Variants in TMEM94 observed in about 807,000 individuals in gnomAD.
TMEM94 encodes ER Mg2+ ATPase.
Under a neutral mutation model 158.6 loss-of-function variants are expected in TMEM94, and 81 were observed. That is an observed-to-expected ratio of 0.51 (90% CI 0.43 to 0.61). TMEM94 has a LOEUF of 0.61. TMEM94 is among the 20% of genes least tolerant of loss of function. The pLI is 0.00. For synonymous variants in TMEM94, 751 were observed against 730.7 expected (o/e 1.03, Z -0.45); for missense variants, 1,435 against 1,762.0 (o/e 0.81, Z 3.32).
At chr17:75,480,381 C>T (rs947296429) in intron 2 of TMEM94, among the ~76,000 whole-genome samples, 2 of 152,250 alleles carry the variant, frequency 1.3e-5, no homozygotes, top group Non-Finnish European at 1.5e-5. Context: ...ACATAACAAG[C>T]GGGGGCAGAT....
In TMEM94 at chr17:75,498,106, C is replaced by T. The variant is rs549320432; in HGVS notation, c.3490-69C>T. On this transcript the variant is annotated intron_variant, in intron 27 of 31. Transcript: ENST00000314256. This position sits in a 1 kb window ranked among gnomAD's most constrained non-coding sequence, Gnocchi z 6.7. ...CCATTTACTAAGAGCCCGTTGAATA[C>T]GTGGAAGAGCTAGGAGCAGCCGGCA... is the stretch of plus-strand genomic sequence containing the variant. The T allele has an allele frequency of 1.8e-5, 29 of 1,588,288 alleles. No homozygotes were observed. The highest frequency in any genetic ancestry group is 1.0e-4 in the Admixed American group (6 of 59,354).
intron 1 of TMEM94, among the ~76,000 whole-genome samples, chr17:75,466,887 G>T (rs1053275393): frequency 1.3e-5 from 2 of 151,562 alleles, no homozygotes; most frequent in African/African-American, 4.9e-5. Context: ...CATGAACATT[G>T]TATATTTCCC....
rs1413087282 is a variant in TMEM94, at chr17:75,499,401, G to A, written c.*67G>A. 6 of 1,454,318 alleles carry A rather than the reference G, an allele frequency of 4.1e-6. No individual in the cohort carries two copies. The highest frequency in any genetic ancestry group is 5.8e-6 in the Non-Finnish European group (6 of 1,039,010). 90.1% of individuals were successfully genotyped at this position (1,454,318 alleles called of 1,614,324 possible). ...CTAAAGCCAGACCCATTTCTGAACA[G>A]GGGAGTTTGTATCATGAATGTTTCC... is the stretch of plus-strand genomic sequence containing the variant. On this transcript the variant is annotated 3_prime_UTR_variant, in exon 32 of 32. Coordinates refer to ENST00000314256, the MANE Select transcript of TMEM94 (RefSeq NM_014738.6).
chr17:75,484,412 T>G (rs558903720), intron 2 of TMEM94, among the ~76,000 whole-genome samples: 8 of 151,978 alleles, frequency 5.3e-5, no homozygotes, highest in Non-Finnish European at 8.8e-5. Context: ...TGTTGTTGTT[T>G]TTTTGAGACA....
In TMEM94 at chr17:75,491,882, T is replaced by C; in HGVS notation, c.1578T>C (p.Gly526=). The change falls in exon 14 of 32, where the codon GGT becomes GGC. Residue 526 remains glycine, a synonymous_variant. Coordinates refer to ENST00000314256, the MANE Select transcript of TMEM94 (RefSeq NM_014738.6). The surrounding 1 kb of genome is among the most constrained non-coding windows in gnomAD (Gnocchi z 5.1). ...NVSFSRDTEG[G]EEEPSKTQPG... is the part of the protein sequence containing the mutation. ...GCTTCAGCAGGGACACCGAGGGTGG[T>C]GAAGAAGAGCCCAGCAAGGTGACGG... The C allele has an allele frequency of 6.2e-7, 1 of 1,612,976 alleles. No individual in the cohort carries two copies. The highest frequency in any genetic ancestry group is 1.3e-5 in the African/African-American group (1 of 74,960).
At position 75,466,430 on chromosome 17, in the gene TMEM94, TTTTGCCTA is replaced by T. The variant is rs1456280832; in HGVS notation, c.-106-5367_-106-5360del. Reference sequence around the variant, plus strand: ...GAATTTGTTTCTCTTTTCAAAATTGTTTTGCCTATTCTTGGTCCTTTATCTTTCCATAC... The same window carrying T: ...GAATTTGTTTCTCTTTTCAAAATTGTTTCTTGGTCCTTTATCTTTCCATAC... On this transcript the variant is annotated intron_variant, in intron 1 of 31. Transcript: ENST00000314256. Among the ~76,000 whole-genome samples, 3 of 152,150 alleles carry T rather than the reference TTTTGCCTA, an allele frequency of 2.0e-5. No individual in the cohort carries two copies. The South Asian group carries it at 6.2e-4, about 32-fold the overall frequency.
chr17:75,460,391 T>G (rs2050024129), intron 1 of TMEM94, among the ~76,000 whole-genome samples: 1 of 152,190 alleles, frequency 6.6e-6, no homozygotes, highest in Non-Finnish European at 1.5e-5. Context: ...AGATGTATGC[T>G]GGACAAAGAC....
Position 75,471,943 on chromosome 17 carries a change from T to C in TMEM94, c.24+14T>C. On this transcript the variant is annotated intron_variant, in intron 2 of 31. Coordinates refer to ENST00000314256, the MANE Select transcript of TMEM94 (RefSeq NM_014738.6). Reference sequence around the variant, plus strand: ...GAGAAGCACCTGGTAGGCCATATCCTATTACCTTATAGGTATTGTCTGTGT... The same window carrying C: ...GAGAAGCACCTGGTAGGCCATATCCCATTACCTTATAGGTATTGTCTGTGT... 1 of 1,613,118 alleles carries C rather than the reference T, an allele frequency of 6.2e-7. No homozygotes were observed. The highest frequency in any genetic ancestry group is 2.2e-5 in the East Asian group (1 of 44,874).
rs2051682813 is a variant in TMEM94, at chr17:75,487,010, A to G, written c.409+584A>G. Among the ~76,000 whole-genome samples the G allele has an allele frequency of 1.3e-5, 2 of 152,148 alleles. No individual in the cohort carries two copies. Among genetic ancestry groups the G allele is most frequent in the African/African-American group, 4.8e-5 (2 of 41,424 alleles). ...GGGCATGTGGTGCTGTGGGAGAAGC[A>G]GCACCCACTCATGAGACCTTTCTCC... On this transcript the variant is annotated intron_variant, in intron 5 of 31. Transcript: ENST00000314256. The surrounding 1 kb of genome is among the most constrained non-coding windows in gnomAD (Gnocchi z 4.6).
chr17:75,484,133 C>T (rs2051390049), intron 2 of TMEM94, among the ~76,000 whole-genome samples: 1 of 152,212 alleles, frequency 6.6e-6, no homozygotes, highest in African/African-American at 2.4e-5. Context: ...CCCATTCATC[C>T]TTGGTGAGAT....
At chr17:75,479,131 G>C (rs975655134) in intron 2 of TMEM94, among the ~76,000 whole-genome samples, 4 of 152,066 alleles carry the variant, frequency 2.6e-5, no homozygotes, top group Non-Finnish European at 5.9e-5. Context: ...AAAGTATGAA[G>C]GTCTTCTGCT....
intron 1 of TMEM94, among the ~76,000 whole-genome samples, chr17:75,461,719 C>T (rs908258152): frequency 6.6e-6 from 1 of 151,336 alleles, no homozygotes; most frequent in Admixed American, 6.6e-5. Flanking sequence ...GTCAGGAGAT[C>T]GAGACCATCC....
In TMEM94 at chr17:75,489,444, C is replaced by T. The variant is rs2051940590; in HGVS notation, c.867+76C>T. Reference sequence around the variant, plus strand: ...GACACGGGGGGGTCTCAGGGCCACTCACATGAGCGGGAGTGAATGCAGAGG... The same window carrying T: ...GACACGGGGGGGTCTCAGGGCCACTTACATGAGCGGGAGTGAATGCAGAGG... On this transcript the variant is annotated intron_variant, in intron 8 of 31. Coordinates refer to ENST00000314256, the MANE Select transcript of TMEM94 (RefSeq NM_014738.6). This position sits in a 1 kb window ranked among gnomAD's most constrained non-coding sequence, Gnocchi z 5.0. 3 of 1,511,516 alleles carry T rather than the reference C, an allele frequency of 2.0e-6. No homozygotes were observed. The East Asian group carries it at 6.8e-5, about 34-fold the overall frequency. The allele number at this position is 1,511,516 out of a possible 1,614,324, so 93.6% of individuals were successfully genotyped here. A position where few individuals can be genotyped will look rare whatever the true frequency, so the allele number is the denominator to read the frequency against.
At chr17:75,493,650 C>A in intron 17 of TMEM94, 49 bp from the exon 18 acceptor site, 1 of 1,613,094 alleles carries the variant, frequency 6.2e-7, no homozygotes, top group Non-Finnish European at 8.5e-7. Context: ...GGGCACCTGC[C>A]CTTCACAGGC....
At position 75,496,471 on chromosome 17, in the gene TMEM94, G is replaced by T; in HGVS notation, c.3243G>T (p.Gln1081His). Reference protein sequence around the residue: ...ETISIIRLIEQARHATYGIRK... With the variant: ...ETISIIRLIEHARHATYGIRK... ...TCAGCATCATCCGGCTTATCGAACA[G>T]GTGGGTGCTTCGGCAGGCAAAGGAG... Residue 1081 changes from glutamine (Q) to histidine (H), a missense_variant and splice_region_variant, in exon 24 of 32, where the codon CAG (glutamine) becomes CAT (histidine). Physicochemically the swap from Gln to His is conservative, Grantham distance 24 (BLOSUM62 0). Transcript: ENST00000314256. 1 of 1,610,536 alleles carries T rather than the reference G, an allele frequency of 6.2e-7. No individual in the cohort carries two copies.
At chr17:75,463,373 A>G (rs2050182501) in intron 1 of TMEM94, among the ~76,000 whole-genome samples, 1 of 151,502 alleles carries the variant, frequency 6.6e-6, no homozygotes, top group African/African-American at 2.4e-5. Context: ...GGTACTGGCT[A>G]AGCATCTTCA....
chr17:75,464,811 C>T (rs1247091124), intron 1 of TMEM94, among the ~76,000 whole-genome samples: 5 of 151,576 alleles, frequency 3.3e-5, no homozygotes, highest in African/African-American at 9.7e-5. Context: ...TGAGTTCATG[C>T]GATTCTCCTG....
chr17:75,488,217 G>A (rs1170858869), intron 6 of TMEM94, 83 bp downstream of exon 6: 11 of 1,363,602 alleles, frequency 8.1e-6, no homozygotes, highest in Admixed American at 3.5e-5. Context: ...GACTTCATCC[G>A]GAAGCTTCCC....
At chr17:75,493,619 G>GC in intron 17 of TMEM94, 26 bp downstream of exon 17, 1 of 1,613,384 alleles carries the variant, frequency 6.2e-7, no homozygotes, top group Non-Finnish European at 8.5e-7. Flanking sequence ...CATGCCAGCA[G>GC]CAAGAGCAGT....
Sources: gnomAD v4.1 joint callset for allele counts (sites outside exome capture counted in the v4.1 genomes callset) on GRCh38, gnomAD v4.1.1 for gene constraint, Gnocchi (gnomAD v3.1) non-coding constraint, MANE v1.5 for transcripts, NCBI Gene and HGNC (gene_info 2026-07-23, HGNC 2026-07-21) for gene names.